TMC2: variants seen among roughly 807,000 people sequenced by gnomAD.
TMC2 encodes the protein transmembrane channel-like protein 2.
A neutral mutation model predicts 105.9 loss-of-function variants in TMC2; 102 were observed. That is an observed-to-expected ratio of 0.96 (90% CI 0.82 to 1.14). The LOEUF is 1.14. Among genes scored for constraint, TMC2 ranks in the 50% most tolerant of loss-of-function variants. TMC2 has a pLI of 0.00. For missense variants in TMC2, 1,093 were observed against 1,134.3 expected (o/e 0.96, Z 0.52); for synonymous variants, 402 against 422.8 (o/e 0.95, Z 0.60).
At chr20:2,604,152 C>T (rs1054114281) in intron 11 of TMC2, among the ~76,000 whole-genome samples, 1 of 152,230 alleles carries the variant, frequency 6.6e-6, no homozygotes, top group Non-Finnish European at 1.5e-5. Flanking sequence ...CTTCCAGCAG[C>T]CACTGCCAAA....
intron 7 of TMC2, among the ~76,000 whole-genome samples, chr20:2,583,220 G>A (rs575102909): frequency 9.2e-5 from 14 of 152,152 alleles, no homozygotes; most frequent in Non-Finnish European, 1.6e-4. Context: ...TTTGAATATA[G>A]GCTAGACCTA....
intron 2 of TMC2, among the ~76,000 whole-genome samples, chr20:2,548,295 ATAAACT>A (rs1221708585): frequency 6.6e-6 from 1 of 152,270 alleles, no homozygotes; most frequent in Non-Finnish European, 1.5e-5. Flanking sequence ...GCAAAAGTAA[ATAAACT>A]TAAAATTATG....
At chr20:2,619,984 T>G (rs2086513252) in intron 16 of TMC2, among the ~76,000 whole-genome samples, 1 of 151,782 alleles carries the variant, frequency 6.6e-6, no homozygotes, top group Non-Finnish European at 1.5e-5. Flanking sequence ...GAGGCTGAGG[T>G]GGGAGGATTG....
At chr20:2,622,316 G>C (rs1010697748) in intron 16 of TMC2, among the ~76,000 whole-genome samples, 6 of 152,048 alleles carry the variant, frequency 3.9e-5, no homozygotes, top group Non-Finnish European at 8.8e-5. Context: ...TTCCTGTTTT[G>C]ACTTGCTTTC....
At position 2,592,494 on chromosome 20, in the gene TMC2, A is replaced by G; in HGVS notation, c.933+86A>G. The G allele has an allele frequency of 2.1e-6, 2 of 954,242 alleles. No individual in the cohort carries two copies. The highest frequency in any genetic ancestry group is 2.7e-5 in the South Asian group (2 of 74,740). 59.1% of individuals were successfully genotyped at this position (954,242 alleles called of 1,614,324 possible). A position where few individuals can be genotyped will look rare whatever the true frequency, so the allele number is the denominator to read the frequency against. On this transcript the variant is annotated intron_variant, in intron 8 of 19. Transcript: ENST00000358864. This position sits in a 1 kb window ranked among gnomAD's most constrained non-coding sequence, Gnocchi z 4.9. ...GGATAAGTATGAAATAGTGCGTTTA[A>G]TTATTGAAAAACCATTGCTTTAATA...
chr20:2,553,236 G>A (rs2085967245), intron 2 of TMC2, among the ~76,000 whole-genome samples: 1 of 151,916 alleles, frequency 6.6e-6, no homozygotes. Context: ...TAGGGGTTTT[G>A]TAGCAATTCT....
chr20:2,591,946 G>T (rs111967365), intron 7 of TMC2, among the ~76,000 whole-genome samples: 17,307 of 152,050 alleles, frequency 0.11, 1,212 homozygotes, highest in African/African-American at 0.18. Context: ...CTGAGGTCAG[G>T]GGTTCAAGAC....
intron 5 of TMC2, among the ~76,000 whole-genome samples, 172 bp from the exon 6 acceptor site, chr20:2,578,974 C>A (rs1457718127): frequency 2.0e-5 from 3 of 152,194 alleles, no homozygotes. Context: ...GTTTGAACAC[C>A]TGCCTCTGGC....
intron 7 of TMC2, among the ~76,000 whole-genome samples, chr20:2,587,205 T>G (rs1355776551): frequency 3.3e-5 from 5 of 152,188 alleles, no homozygotes; most frequent in Non-Finnish European, 7.4e-5. Context: ...CAATTAAATC[T>G]CCTGCCATTG....
At chr20:2,555,683 G>T (rs961836017) in intron 2 of TMC2, among the ~76,000 whole-genome samples, 2 of 152,030 alleles carry the variant, frequency 1.3e-5, no homozygotes, top group Non-Finnish European at 2.9e-5. Context: ...TTTGTTGCTG[G>T]TTTCTCTTTG....
intron 19 of TMC2, among the ~76,000 whole-genome samples, chr20:2,640,271 C>T (rs1428777215): frequency 6.6e-6 from 1 of 152,190 alleles, no homozygotes; most frequent in African/African-American, 2.4e-5. Context: ...GCTGGGATTA[C>T]AGGCATGAGC....
chr20:2,555,455 C>CT lies in TMC2; in HGVS notation c.83-2991dup, dbSNP rs542888651. 1.6e-3 allele frequency among the ~76,000 whole-genome samples: 237 copies of CT among 148,190 alleles called. 3 individuals carry two copies. The South Asian group carries it at 0.024, about 15-fold the overall frequency. ...TCTGAAATTAATACAATTGCTCAAG[C>CT]TTTTTTTTTTATAATCAGGGTTAAC... On this transcript the variant is annotated intron_variant, in intron 2 of 19. Transcript: ENST00000358864.
chr20:2,604,917 T>G (rs755819509), intron 11 of TMC2, among the ~76,000 whole-genome samples: 7 of 152,162 alleles, frequency 4.6e-5, no homozygotes, highest in Non-Finnish European at 1.0e-4. Context: ...AAACAGATAA[T>G]CTAGTAATTA....
rs2086275652 is a variant in TMC2 at position 2,592,386 on chromosome 20, T to C, written c.911T>C (p.Phe304Ser). The C allele has an allele frequency of 1.9e-6, 3 of 1,613,914 alleles. No individual in the cohort carries two copies. In the South Asian group the frequency reaches 3.3e-5, roughly 18 times the overall value. ...GCTGAGGAAGAAAAGGCCATGGATT[T>C]TTCTGTCCTTTGGGATTTTGAGGTA... ...PRAEEEKAMD[F>S]SVLWDFEGYI... The change falls in exon 8 of 20, where the codon TTT becomes TCT. Residue 304 changes from phenylalanine (F) to serine (S), a missense_variant. Phe to Ser is a radical substitution (Grantham distance 155, BLOSUM62 -2). Coordinates refer to ENST00000358864, the MANE Select transcript of TMC2 (RefSeq NM_080751.3). The surrounding 1 kb of genome is among the most constrained non-coding windows in gnomAD (Gnocchi z 4.9).
At chr20:2,597,654 A>ATT (rs55869258) in intron 10 of TMC2, among the ~76,000 whole-genome samples, 52 of 145,198 alleles carry the variant, frequency 3.6e-4, no homozygotes, top group Admixed American at 3.3e-3. Flanking sequence ...TGCCCAGCTA[A>ATT]TTTTTTTTTT....
At chr20:2,564,707 A>T (rs1469086551) in intron 4 of TMC2, among the ~76,000 whole-genome samples, 1 of 152,112 alleles carries the variant, frequency 6.6e-6, no homozygotes, top group Non-Finnish European at 1.5e-5. Context: ...GAAATCTGAC[A>T]TCTCCTTCCT....
chr20:2,617,263 C>A lies in TMC2; in HGVS notation c.2132C>A (p.Ala711Asp). The A allele has an allele frequency of 6.2e-7, 1 of 1,614,174 alleles. No individual in the cohort carries two copies. The highest frequency in any genetic ancestry group is 8.5e-7 in the Non-Finnish European group (1 of 1,180,030). ...CTCTTCCTCAGCCTCCTGCCGGTGG[C>A]CTACACCATCATGTCCCTCCCACCC... is the stretch of plus-strand genomic sequence containing the variant. Reference protein sequence around the residue: ...LVLFLSLLPVAYTIMSLPPSF... With the variant: ...LVLFLSLLPVDYTIMSLPPSF... Residue 711 changes from alanine to aspartate, a missense_variant, in exon 16 of 20, where the codon GCC becomes GAC. By Grantham distance (126) the Ala-to-Asp change is moderately radical. Transcript: ENST00000358864.
intron 16 of TMC2, among the ~76,000 whole-genome samples, chr20:2,621,370 C>CAA (rs779568447): frequency 4.2e-5 from 4 of 95,218 alleles, no homozygotes; most frequent in South Asian, 3.3e-4. Context: ...TCAACAACAA[C>CAA]AAAAAAAAAA....
At chr20:2,549,810 T>C (rs779477638) in intron 2 of TMC2, among the ~76,000 whole-genome samples, 9 of 152,216 alleles carry the variant, frequency 5.9e-5, no homozygotes, top group Non-Finnish European at 1.3e-4. Flanking sequence ...GAGCATCTCA[T>C]TCAGCAATCA....
Sources: gnomAD v4.1 joint callset for allele counts (sites outside exome capture counted in the v4.1 genomes callset) on GRCh38, gnomAD v4.1.1 for gene constraint, Gnocchi (gnomAD v3.1) non-coding constraint, MANE v1.5 for transcripts, NCBI Gene and HGNC (gene_info 2026-07-23, HGNC 2026-07-21) for gene names.